GPC3: variants seen among roughly 807,000 people sequenced by gnomAD.
The protein encoded by GPC3 is glypican-3.
GPC3 carries 3 observed loss-of-function variants against 34.4 expected under a neutral mutation model. That is an observed-to-expected ratio of 0.09 (90% CI 0.04 to 0.23). The LOEUF is 0.23. Ranked by LOEUF, GPC3 falls within the 10% of genes least tolerant of loss-of-function variation. The probability of loss-of-function intolerance (pLI) is 1.00; values close to 1 mark genes in which losing one functional copy is unlikely to be tolerated. For missense variants in GPC3, 351 were observed against 445.6 expected (o/e 0.79, Z 1.91); for synonymous variants, 177 against 174.0 (o/e 1.02, Z -0.13).
chrX:133,583,616 C>T (rs2069755012), intron 7 of GPC3, among the ~76,000 whole-genome samples: 2 of 111,688 alleles, frequency 1.8e-5, no homozygotes, highest in South Asian at 7.6e-4. Flanking sequence ...CTGCCTGCCT[C>T]GGCCTCCCAA....
intron 5 of GPC3, among the ~76,000 whole-genome samples, chrX:133,668,789 G>A (rs1165303535): frequency 8.9e-6 from 1 of 111,788 alleles, no homozygotes; most frequent in East Asian, 2.8e-4. Flanking sequence ...TGTGAACTTT[G>A]AGAATCCATC....
At chrX:133,951,093 T>TGTGTGTGA (rs775971439) in intron 2 of GPC3, among the ~76,000 whole-genome samples, 5 of 100,072 alleles carry the variant, frequency 5.0e-5, no homozygotes, top group African/African-American at 1.9e-4. Flanking sequence ...TGTGTGTGTG[T>TGTGTGTGA]GAAGTGAAAG....
intron 2 of GPC3, among the ~76,000 whole-genome samples, chrX:133,893,288 T>C (rs1039683115): frequency 2.7e-5 from 3 of 111,573 alleles, no homozygotes; most frequent in Non-Finnish European, 5.6e-5. Flanking sequence ...TAAGGTTATA[T>C]TGTTGAAGTG....
chrX:133,854,851 T>G (rs1383714005), intron 2 of GPC3, among the ~76,000 whole-genome samples: 2 of 112,019 alleles, frequency 1.8e-5, no homozygotes, highest in Non-Finnish European at 3.8e-5. Flanking sequence ...CCATAAGAAA[T>G]TATGGTATAT....
chrX:133,836,729 G>A (rs1017934736), intron 2 of GPC3, among the ~76,000 whole-genome samples: 9 of 111,505 alleles, frequency 8.1e-5, no homozygotes, highest in South Asian at 3.8e-4. Context: ...TTTCTGTTTC[G>A]GGAAGATGAG....
chrX:133,603,757 GGGAA>G (rs2070014668), intron 6 of GPC3, among the ~76,000 whole-genome samples: 1 of 111,127 alleles, frequency 9.0e-6, no homozygotes, highest in Non-Finnish European at 1.9e-5. Flanking sequence ...CACAATGAAA[GGGAA>G]AAAAGGGCTT....
chrX:133,934,711 C>T (rs1478732706), intron 2 of GPC3, among the ~76,000 whole-genome samples: 3 of 101,814 alleles, frequency 2.9e-5, no homozygotes, highest in South Asian at 9.3e-4. Flanking sequence ...TTTATAGAGA[C>T]GGGGTTTCGC....
At chrX:133,543,130 C>CT (rs35085562) in intron 7 of GPC3, among the ~76,000 whole-genome samples, 5 of 109,034 alleles carry the variant, frequency 4.6e-5, no homozygotes, top group African/African-American at 6.7e-5. Flanking sequence ...AACAATCTGC[C>CT]TTTTTTTTTA....
chrX:133,969,939 GA>G lies in GPC3; in HGVS notation c.175+15335del, dbSNP rs200587929. The stretch of plus-strand genomic sequence containing the variant: ...TAAAAGAACTAAACAAAGAAGGAAA[GA>G]ACTATTAGCAAAATTAATTAGACGA... On this transcript the variant is annotated intron_variant, in intron 1 of 7. Coordinates refer to ENST00000370818, the MANE Select transcript of GPC3 (RefSeq NM_004484.4). 7.1e-5 allele frequency among the ~76,000 whole-genome samples: 8 copies of G among 112,026 alleles called. No individual in the cohort carries two copies. In the East Asian group the frequency reaches 2.2e-3, roughly 31 times the overall value.
intron 2 of GPC3, among the ~76,000 whole-genome samples, chrX:133,949,023 T>C (rs972430030): frequency 3.6e-5 from 4 of 112,149 alleles, no homozygotes; most frequent in Non-Finnish European, 5.6e-5. Flanking sequence ...TTATTTCTAC[T>C]TTACAAAAGT....
At chrX:133,565,590 C>T (rs1024282144) in intron 7 of GPC3, among the ~76,000 whole-genome samples, 1 of 111,908 alleles carries the variant, frequency 8.9e-6, no homozygotes, top group Non-Finnish European at 1.9e-5. Context: ...CGTGCCTTCC[C>T]AAGTTAATGG....
intron 4 of GPC3, among the ~76,000 whole-genome samples, chrX:133,695,239 ACC>A (rs1196149489): frequency 9.0e-6 from 1 of 111,569 alleles, no homozygotes; most frequent in Admixed American, 9.6e-5. Flanking sequence ...TGGGGGAACC[ACC>A]TCCATGATTC....
Position 133,699,907 on chromosome X carries a change from G to A in GPC3, c.1154C>T (p.Ser385Phe). The A allele has an allele frequency of 8.3e-7, 1 of 1,203,225 alleles. No homozygotes were observed. The highest frequency in any genetic ancestry group is 1.1e-6 in the Non-Finnish European group (1 of 889,280). The part of the protein sequence containing the change: ...VAHVEHEETL[S>F]SRRRELIQKL... ...AGAAACCTCTCACCTTCTTCGGCTG[G>A]ATAAGGTTTCTTCATGTTCTACATG... The change falls in exon 4 of 8, where the codon TCC becomes TTC. Residue 385 changes from serine (S) to phenylalanine (F), a missense_variant. Physicochemically the swap from Ser to Phe is radical, Grantham distance 155. Transcript: ENST00000370818.
intron 2 of GPC3, among the ~76,000 whole-genome samples, chrX:133,854,589 C>G (rs1016130605): frequency 8.9e-6 from 1 of 111,838 alleles, no homozygotes; most frequent in Non-Finnish European, 1.9e-5. Context: ...GAGTCCTATA[C>G]ATGTATATGT....
chrX:133,663,036 T>C (rs2070739615), intron 5 of GPC3, among the ~76,000 whole-genome samples: 1 of 111,038 alleles, frequency 9.0e-6, no homozygotes, highest in Admixed American at 9.6e-5. Context: ...TTTCCAAGAG[T>C]GGACCATGGT....
intron 6 of GPC3, among the ~76,000 whole-genome samples, chrX:133,639,496 G>A (rs1442773036): frequency 8.9e-6 from 1 of 111,926 alleles, no homozygotes; most frequent in East Asian, 2.8e-4. Context: ...AATACTATGT[G>A]TTGATCTATT....
chrX:133,802,751 G>A (rs1324737615), intron 2 of GPC3, among the ~76,000 whole-genome samples: 1 of 111,029 alleles, frequency 9.0e-6, no homozygotes, highest in Non-Finnish European at 1.9e-5. Flanking sequence ...TCATTCCAAA[G>A]TCTTCCCAGT....
At chrX:133,918,292 C>T (rs768799831) in intron 2 of GPC3, among the ~76,000 whole-genome samples, 1 of 111,754 alleles carries the variant, frequency 8.9e-6, no homozygotes, top group East Asian at 2.8e-4. Context: ...TATAAATTGC[C>T]AAATTGATTT....
chrX:133,536,058 T>C lies in GPC3; in HGVS notation c.*66A>G. On this transcript the variant is annotated 3_prime_UTR_variant, in exon 8 of 8. Transcript: ENST00000370818. ...AAAAAAATAGAAAAAAATAAGAAAG[T>C]GGTTCCCTTTATCGAGGAAGACCAC... The C allele has an allele frequency of 1.2e-6, 1 of 842,259 alleles. No homozygotes were observed. The highest frequency in any genetic ancestry group is 2.7e-5 in the Admixed American group (1 of 36,947). 69.4% of individuals were successfully genotyped at this position (842,259 alleles called of 1,213,427 possible). A position where few individuals can be genotyped will look rare whatever the true frequency, so the allele number is the denominator to read the frequency against.
Sources: gnomAD v4.1 joint callset for allele counts (sites outside exome capture counted in the v4.1 genomes callset) on GRCh38, gnomAD v4.1.1 for gene constraint, MANE v1.5 for transcripts, NCBI Gene and HGNC (gene_info 2026-07-23, HGNC 2026-07-21) for gene names.